SS18: variants seen among roughly 807,000 people sequenced by gnomAD.
The protein encoded by SS18 is protein SSXT.
A neutral mutation model predicts 72.5 loss-of-function variants in SS18; 28 were observed. The observed-to-expected ratio is 0.39, with a 90% CI of 0.29 to 0.53. SS18 has a LOEUF of 0.53. Ranked by LOEUF, SS18 falls within the 20% of genes least tolerant of loss-of-function variation. The pLI is 0.76. For synonymous variants in SS18, 172 were observed against 164.2 expected, an observed-to-expected ratio of 1.05 and a Z score of -0.37; for missense variants, 518 against 535.3, an observed-to-expected ratio of 0.97 and a Z score of 0.32.
At chr18:26,084,757 G>A (rs981408186) in intron 2 of SS18, among the ~76,000 whole-genome samples, 1 of 152,118 alleles carries the variant, frequency 6.6e-6, no homozygotes, top group African/African-American at 2.4e-5. Flanking sequence ...ATTCAATAAT[G>A]TCAAAATCAT....
intron 3 of SS18, among the ~76,000 whole-genome samples, chr18:26,069,716 T>C (rs1185376473): frequency 6.6e-6 from 1 of 152,176 alleles, no homozygotes; most frequent in Non-Finnish European, 1.5e-5. Context: ...CTGTGAGCCT[T>C]AAAATGAACT....
At chr18:26,052,060 G>C (rs2053933164) in intron 5 of SS18, among the ~76,000 whole-genome samples, 1 of 152,146 alleles carries the variant, frequency 6.6e-6, no homozygotes, top group Admixed American at 6.5e-5. Context: ...CCACTTACTG[G>C]CTTTTAGTTA....
At chr18:26,021,021 C>T (rs1567984660) in intron 10 of SS18, among the ~76,000 whole-genome samples, 2 of 152,038 alleles carry the variant, frequency 1.3e-5, no homozygotes, top group Non-Finnish European at 2.9e-5. Context: ...TAAATATTAC[C>T]TCCATTTTAT....
intron 3 of SS18, among the ~76,000 whole-genome samples, chr18:26,061,598 T>G (rs1240260513): frequency 6.6e-6 from 1 of 151,874 alleles, no homozygotes; most frequent in Non-Finnish European, 1.5e-5. Context: ...TAACAACTAA[T>G]TTTTCATCAG....
chr18:26,078,716 G>A (rs1002934855), intron 2 of SS18, among the ~76,000 whole-genome samples: 7 of 151,910 alleles, frequency 4.6e-5, no homozygotes, highest in South Asian at 2.1e-4. Flanking sequence ...TGAAACCCCC[G>A]TCTCTCCTAA....
At chr18:26,047,259 CA>C (rs71169806) in intron 5 of SS18, among the ~76,000 whole-genome samples, 7,485 of 75,794 alleles carry the variant, frequency 0.099, 178 homozygotes, top group Admixed American at 0.17. Context: ...AGTAATATGC[CA>C]AAAAAAAAAA....
At chr18:26,036,644 A>C (rs1303082785) in intron 7 of SS18, among the ~76,000 whole-genome samples, 2 of 152,076 alleles carry the variant, frequency 1.3e-5, no homozygotes, top group Non-Finnish European at 2.9e-5. Context: ...TTAAAGTTTC[A>C]CTAAGAAAAT....
chr18:26,077,484 A>T (rs1230454945), intron 3 of SS18, among the ~76,000 whole-genome samples: 1 of 152,096 alleles, frequency 6.6e-6, no homozygotes, highest in Non-Finnish European at 1.5e-5. Context: ...ATAAAATGAT[A>T]CAGATTAAAA....
chr18:26,022,937 C>A (rs2053378528), intron 10 of SS18, among the ~76,000 whole-genome samples: 1 of 152,176 alleles, frequency 6.6e-6, no homozygotes, highest in Admixed American at 6.5e-5. Flanking sequence ...GCAAAACACC[C>A]AAAAGGCTCT....
chr18:26,023,711 C>G, intron 10 of SS18: 1 of 500,732 alleles, frequency 2.0e-6, no homozygotes, highest in Non-Finnish European at 3.8e-6. Flanking sequence ...TGATTATTAC[C>G]AGTACACCTG....
intron 10 of SS18, among the ~76,000 whole-genome samples, chr18:26,029,347 A>G (rs1207566867): frequency 1.3e-5 from 2 of 152,224 alleles, no homozygotes; most frequent in Admixed American, 6.5e-5. Context: ...TAATGTCTTT[A>G]AAACATTACT....
At chr18:26,042,139 G>A (rs973094623) in intron 5 of SS18, among the ~76,000 whole-genome samples, 2 of 152,052 alleles carry the variant, frequency 1.3e-5, no homozygotes, top group African/African-American at 2.4e-5. Flanking sequence ...ATGCTACACT[G>A]GCAATGTATA....
At chr18:26,089,062 CTCACA>C (rs1366101637) in intron 1 of SS18, among the ~76,000 whole-genome samples, 1 of 152,178 alleles carries the variant, frequency 6.6e-6, no homozygotes, top group African/African-American at 2.4e-5. Flanking sequence ...AAATATCTGT[CTCACA>C]TCTAATATCA....
chr18:26,045,372 C>T (rs946079430), intron 5 of SS18, among the ~76,000 whole-genome samples: 23 of 152,144 alleles, frequency 1.5e-4, no homozygotes, highest in Non-Finnish European at 4.4e-5. Context: ...CACTTTCACT[C>T]ACTCCGCTCC....
At chr18:26,090,448 G>C in intron 1 of SS18, 53 bp downstream of exon 1, 3 of 1,528,836 alleles carry the variant, frequency 2.0e-6, no homozygotes, top group Non-Finnish European at 1.8e-6. Context: ...CCCCGCGTCT[G>C]TCTCTCCCAG....
chr18:26,083,267 A>G (rs972273048), intron 2 of SS18, among the ~76,000 whole-genome samples: 2 of 152,098 alleles, frequency 1.3e-5, no homozygotes, highest in East Asian at 1.9e-4. Context: ...TCATATATAT[A>G]TATCTGAAAA....
intron 4 of SS18, among the ~76,000 whole-genome samples, chr18:26,053,335 A>C (rs2053956361): frequency 6.6e-6 from 1 of 152,116 alleles, no homozygotes; most frequent in South Asian, 2.1e-4. Context: ...TGTTCCACTA[A>C]CTAATTCTAG....
intron 2 of SS18, among the ~76,000 whole-genome samples, chr18:26,084,911 TAATAGTA>T (rs1186270412): frequency 5.3e-5 from 8 of 152,220 alleles, no homozygotes; most frequent in Non-Finnish European, 1.0e-4. Context: ...AAATATTAGA[TAATAGTA>T]TTGCATTCTT....
chr18:26,052,544 C>T, intron 5 of SS18, 80 bp downstream of exon 5: 2 of 1,174,640 alleles, frequency 1.7e-6, no homozygotes, highest in South Asian at 1.3e-5. Context: ...TATGAACCAG[C>T]TAAGAACCTG....
Sources: gnomAD v4.1 joint callset for allele counts (sites outside exome capture counted in the v4.1 genomes callset) on GRCh38, gnomAD v4.1.1 for gene constraint, MANE v1.5 for transcripts, NCBI Gene and HGNC (gene_info 2026-07-23, HGNC 2026-07-21) for gene names.